Variants in PPFIA1 observed in about 807,000 individuals in gnomAD.
PPFIA1 encodes the protein PPFI scaffold protein A1.
Under a neutral mutation model 149.9 loss-of-function variants are expected in PPFIA1, and 25 were observed. That is an observed-to-expected ratio of 0.17 (90% CI 0.12 to 0.23). The LOEUF is 0.23. PPFIA1 is among the 10% of genes least tolerant of loss of function. The pLI, the probability that PPFIA1 is intolerant of heterozygous loss-of-function variation, is 1.00. For synonymous variants in PPFIA1, 549 were observed against 552.8 expected, an observed-to-expected ratio of 0.99 and a Z score of 0.10; for missense variants, 1,362 against 1,506.5, an observed-to-expected ratio of 0.90 and a Z score of 1.59.
At chr11:70,329,823 AAGATTG>A (rs1303314890) in intron 7 of PPFIA1, 2 of 212,120 alleles carry the variant, frequency 9.4e-6, no homozygotes, top group African/African-American at 4.7e-5. Context: ...AGCTACTGGG[AAGATTG>A]AGGTGGAAGG....
chr11:70,306,690 C>G (rs1338790094), intron 2 of PPFIA1, among the ~76,000 whole-genome samples: 1 of 152,038 alleles, frequency 6.6e-6, no homozygotes, highest in Non-Finnish European at 1.5e-5. Context: ...TATAGCAACA[C>G]AAAAGAAGAG....
At chr11:70,275,373 T>G (rs75419857) in intron 2 of PPFIA1, among the ~76,000 whole-genome samples, 514 of 152,372 alleles carry the variant, frequency 3.4e-3, no homozygotes, top group Non-Finnish European at 6.1e-3. Flanking sequence ...TTTTAGACTC[T>G]TGTGTTTGCC....
chr11:70,287,132 C>T (rs969684209), intron 2 of PPFIA1, among the ~76,000 whole-genome samples: 6 of 151,716 alleles, frequency 4.0e-5, no homozygotes, highest in Non-Finnish European at 2.9e-5. Context: ...GGATTACAGG[C>T]GTGAGCCACC....
Position 70,272,191 on chromosome 11 carries a change from C to G in PPFIA1, c.19C>G (p.Pro7Ala). Residue 7 changes from proline (P) to alanine (A), a missense_variant, in exon 2 of 28, where the codon CCG becomes GCG. Physicochemically the swap from Pro to Ala is conservative, Grantham distance 27. Transcript: ENST00000253925. ...TTTCAAGATGATGTGCGAGGTGATG[C>G]CGACCATCAGCGAAGCAGAAGGCCC... The part of the protein sequence containing the change: MMCEVM[P>A]TISEAEGPPG... 3 of 1,613,552 alleles carry G rather than the reference C, an allele frequency of 1.9e-6. No homozygotes were observed. The highest frequency in any genetic ancestry group is 2.5e-6 in the Non-Finnish European group (3 of 1,179,984).
chr11:70,306,859 A>G (rs892704081), intron 2 of PPFIA1, among the ~76,000 whole-genome samples: 13 of 152,222 alleles, frequency 8.5e-5, no homozygotes, highest in Non-Finnish European at 4.4e-5. Context: ...ATCTCACAAA[A>G]AAACCCCTGA....
At chr11:70,319,270 C>T (rs2053802435) in intron 2 of PPFIA1, among the ~76,000 whole-genome samples, 1 of 152,192 alleles carries the variant, frequency 6.6e-6, no homozygotes, top group Admixed American at 6.5e-5. Context: ...CCCTGCTTCT[C>T]ACCACCTGCG....
At chr11:70,382,011 AC>A (rs2057732391) in intron 26 of PPFIA1, 76 bp from the exon 27 acceptor site, 3 of 1,290,342 alleles carry the variant, frequency 2.3e-6, no homozygotes, top group Non-Finnish European at 3.3e-6. Context: ...ATGTGTGTCT[AC>A]TTGTGCCCTC....
At chr11:70,368,252 C>T (rs2057054821) in intron 21 of PPFIA1, among the ~76,000 whole-genome samples, 1 of 152,168 alleles carries the variant, frequency 6.6e-6, no homozygotes, top group African/African-American at 2.4e-5. Context: ...ATATTTCTCT[C>T]TTTTTAGAGA....
At position 70,343,815 on chromosome 11, in the gene PPFIA1, G is replaced by A. The variant is rs138482854; in HGVS notation, c.1854G>A (p.Ser618=). ...TCCTCAGCTCAGTTGACCTGCTATC[G>A]CCCAGCGGGCAGGCCGACGCGCACA... ...DTLLSSVDLL[S]PSGQADAHTL... The change falls in exon 15 of 28, where the codon TCG becomes TCA. Residue 618 remains serine (S), a synonymous_variant. Coordinates refer to ENST00000253925, the MANE Select transcript of PPFIA1 (RefSeq NM_003626.5). 63 of 1,613,976 alleles carry A rather than the reference G, an allele frequency of 3.9e-5. No individual in the cohort carries two copies. The highest frequency in any genetic ancestry group is 3.9e-4 in the African/African-American group (29 of 74,894).
At chr11:70,343,074 A>G (rs2055450939) in intron 14 of PPFIA1, among the ~76,000 whole-genome samples, 1 of 148,990 alleles carries the variant, frequency 6.7e-6, no homozygotes, top group Non-Finnish European at 1.5e-5. Flanking sequence ...CAGCCTCTCC[A>G]GTAGCTGGGA....
At chr11:70,345,681 G>A (rs1324736672) in intron 15 of PPFIA1, among the ~76,000 whole-genome samples, 1 of 152,096 alleles carries the variant, frequency 6.6e-6, no homozygotes, top group African/African-American at 2.4e-5. Flanking sequence ...AAAAAAATGA[G>A]CCAGGTATGG....
In PPFIA1 at chr11:70,362,351, A is replaced by G. The variant is rs768490757; in HGVS notation, c.2728A>G (p.Ile910Val). 6 of 1,614,228 alleles carry G rather than the reference A, an allele frequency of 3.7e-6. No homozygotes were observed. Among genetic ancestry groups the G allele is most frequent in the Non-Finnish European group, 5.1e-6 (6 of 1,180,042 alleles). ...CCGAGCAAACGTGAAAAGCGGGGCC[A>G]TCATGTCGGCCCTGTCCGACACAGA... Reference protein sequence around the residue: ...ACRANVKSGAIMSALSDTEIQ... With the variant: ...ACRANVKSGAVMSALSDTEIQ... Residue 910 changes from isoleucine to valine, a missense_variant, in exon 21 of 28, where the codon ATC (isoleucine) becomes GTC (valine). Physicochemically the swap from Ile to Val is conservative, Grantham distance 29. This residue lies in a region of PPFIA1 where 349 missense variants were observed against 373.3 expected (regional missense o/e 0.93). Transcript: ENST00000253925.
At chr11:70,352,836 G>T (rs1418606753) in intron 16 of PPFIA1, among the ~76,000 whole-genome samples, 1 of 150,348 alleles carries the variant, frequency 6.7e-6, no homozygotes, top group Non-Finnish European at 1.5e-5. Flanking sequence ...GCGGCGTGTG[G>T]AGGGATGAGG....
intron 2 of PPFIA1, among the ~76,000 whole-genome samples, chr11:70,277,288 T>G (rs1304332636): frequency 6.6e-6 from 1 of 151,852 alleles, no homozygotes; most frequent in South Asian, 2.1e-4. Context: ...AACAATGGGA[T>G]CCAGGCGTGA....
chr11:70,326,330 T>G lies in PPFIA1; in HGVS notation c.675T>G (p.His225Gln), dbSNP rs2054284879. The G allele has an allele frequency of 6.2e-7, 1 of 1,608,510 alleles. No individual in the cohort carries two copies. ...CAGATGGAGTGCTGGACATAAACCATGAACAAGAAAATACACCAAGCACGA... is the reference window on the plus strand; with the variant it reads ...CAGATGGAGTGCTGGACATAAACCAGGAACAAGAAAATACACCAAGCACGA... ...TLTDGVLDIN[H>Q]EQENTPSTSG... Residue 225 changes from histidine (H) to glutamine (Q), a missense_variant, in exon 6 of 28, where the codon CAT (histidine) becomes CAG (glutamine). Coordinates refer to ENST00000253925, the MANE Select transcript of PPFIA1 (RefSeq NM_003626.5).
intron 16 of PPFIA1, 61 bp from the exon 17 acceptor site, chr11:70,354,235 ATAATT>A: frequency 3.4e-6 from 5 of 1,484,818 alleles, no homozygotes; most frequent in Non-Finnish European, 3.7e-6. Context: ...GTTTATGGCT[ATAATT>A]TAAGGCCTGA....
chr11:70,334,179 A>T (rs7117443), intron 10 of PPFIA1, among the ~76,000 whole-genome samples: 69,310 of 151,956 alleles, frequency 0.46, 18,119 homozygotes, highest in African/African-American at 0.72. Flanking sequence ...CAGGAAAAAG[A>T]TATAGCAAGA....
chr11:70,372,075 A>C, intron 21 of PPFIA1, 140 bp from the exon 22 acceptor site: 1 of 702,730 alleles, frequency 1.4e-6, no homozygotes, highest in South Asian at 3.2e-5. Flanking sequence ...AGAAGAGATC[A>C]AATTATTTTG....
intron 16 of PPFIA1, 200 bp from the exon 17 acceptor site, chr11:70,354,101 G>C: frequency 1.8e-6 from 1 of 552,422 alleles, no homozygotes; most frequent in Non-Finnish European, 3.2e-6. Context: ...GCACGCTCGT[G>C]GGGAGGCAGA....
Sources: gnomAD v4.1 joint callset for allele counts (sites outside exome capture counted in the v4.1 genomes callset) on GRCh38, gnomAD v4.1.1 for gene constraint, gnomAD v4.1.1 regional missense constraint, MANE v1.5 for transcripts, NCBI Gene and HGNC (gene_info 2026-07-23, HGNC 2026-07-21) for gene names.